The following MPC2 variants were observed in gnomAD, a reference collection of about 807,000 sequenced individuals.
MPC2 encodes mitochondrial pyruvate carrier 2.
Under a neutral mutation model 19.2 loss-of-function variants are expected in MPC2, and 19 were observed. That is an observed-to-expected ratio of 0.99 (90% confidence interval 0.69 to 1.45). The LOEUF (loss-of-function observed/expected upper bound fraction) is 1.45, where lower values mean the gene tolerates loss of function less well. MPC2 is among the 40% of genes most tolerant of loss of function. MPC2 has a pLI of 0.00. For missense variants in MPC2, 122 were observed against 153.0 expected, an observed-to-expected ratio of 0.80 and a Z score of 1.07; for synonymous variants, 61 against 54.3, an observed-to-expected ratio of 1.12 and a Z score of -0.54.
At position 167,918,356 on chromosome 1, in the gene MPC2, A is replaced by G. The variant is rs757115050; in HGVS notation, c.351T>C (p.Tyr117=). 4.3e-5 allele frequency: 66 copies of G among 1,533,236 alleles called. No homozygotes were observed. The highest frequency in any genetic ancestry group is 5.8e-5 in the Non-Finnish European group (65 of 1,112,844). The allele number at this position is 1,533,236 out of a possible 1,614,324, so 95.0% of individuals were successfully genotyped here. ...GASQLFRIWR[Y]NQELKAKAHK ...GTGCTTTAGCTTTTAGTTCTTGGTT[A>G]TATCTATAAAGAAAACAGAAAGAAA... The change falls in exon 6 of 6, where the codon TAT becomes TAC. Residue 117 remains tyrosine, a synonymous_variant. Transcript: ENST00000271373.
chr1:167,920,526 GA>G lies in MPC2; in HGVS notation c.235+20del, dbSNP rs773389195. 3.5e-4 allele frequency: 556 copies of G among 1,607,312 alleles called. No homozygotes were observed. The highest frequency in any genetic ancestry group is 8.4e-4 in the Admixed American group (50 of 59,344). ...TCATTTATGTTCTACAAGAAACACAGAAGATATTTATTTAATTTACCTGTAG... is the reference window on the plus strand; with the variant it reads ...TCATTTATGTTCTACAAGAAACACAGAGATATTTATTTAATTTACCTGTAG... On this transcript the variant is annotated intron_variant, in intron 4 of 5. Coordinates refer to ENST00000271373, the MANE Select transcript of MPC2 (RefSeq NM_001143674.4).
Position 167,920,940 on chromosome 1 carries a change from T to C in MPC2, c.151-309A>G, listed in dbSNP as rs142034454. Among the ~76,000 whole-genome samples, 976 of 152,296 alleles carry C rather than the reference T, an allele frequency of 6.4e-3. 9 individuals are homozygous for C. The highest frequency in any genetic ancestry group is 0.022 in the African/African-American group (908 of 41,562). ...CATATATATTTTGGGTTTTTTTTGG[T>C]CTACCTATTTCACATATGAATTTAT... On this transcript the variant is annotated intron_variant, in intron 3 of 5. Transcript: ENST00000271373.
chr1:167,925,708 G>T (rs911850247), intron 2 of MPC2, among the ~76,000 whole-genome samples: 2 of 150,986 alleles, frequency 1.3e-5, no homozygotes, highest in African/African-American at 4.9e-5. Context: ...CACCACACCC[G>T]GCTAATTTTT....
At chr1:167,935,952 C>G (rs1671151174) in intron 1 of MPC2, 54 bp from the exon 2 acceptor site, 1 of 815,794 alleles carries the variant, frequency 1.2e-6, no homozygotes, top group African/African-American at 1.7e-5. Context: ...TCGCGTCCGC[C>G]TCTCGCCTGG....
At chr1:167,933,523 T>G (rs2102561376) in intron 2 of MPC2, among the ~76,000 whole-genome samples, 1 of 152,314 alleles carries the variant, frequency 6.6e-6, no homozygotes, top group South Asian at 2.1e-4. Flanking sequence ...AAATTAAATC[T>G]CAAAAATCTA....
chr1:167,928,350 TAAC>T (rs1355514188), intron 2 of MPC2, among the ~76,000 whole-genome samples: 4 of 151,504 alleles, frequency 2.6e-5, no homozygotes, highest in African/African-American at 4.8e-5. Context: ...CACAATGGGT[TAAC>T]AAAATTTTAA....
intron 3 of MPC2, among the ~76,000 whole-genome samples, chr1:167,922,110 G>T (rs1670617762): frequency 6.6e-6 from 1 of 151,956 alleles, no homozygotes; most frequent in Non-Finnish European, 1.5e-5. Context: ...AAATACTCTG[G>T]GATAGTAAAA....
At chr1:167,925,442 C>CGTGTGT (rs1553200802) in intron 2 of MPC2, among the ~76,000 whole-genome samples, 1 of 82,478 alleles carries the variant, frequency 1.2e-5, no homozygotes. Flanking sequence ...TACATATACA[C>CGTGTGT]ATATATATAT....
chr1:167,920,738 T>C, intron 3 of MPC2, 107 bp from the exon 4 acceptor site: 1 of 1,125,156 alleles, frequency 8.9e-7, no homozygotes, highest in South Asian at 1.8e-5. Flanking sequence ...AGTTAGCAGC[T>C]ATAATTTTAG....
chr1:167,922,014 T>C (rs1045185742), intron 3 of MPC2, among the ~76,000 whole-genome samples: 1 of 152,202 alleles, frequency 6.6e-6, no homozygotes, highest in African/African-American at 2.4e-5. Flanking sequence ...AGGCATATGG[T>C]CTGAGAGTCT....
At chr1:167,935,466 G>A (rs74120570) in intron 2 of MPC2, among the ~76,000 whole-genome samples, 2,531 of 152,360 alleles carry the variant, frequency 0.017, 65 homozygotes, top group African/African-American at 0.058. Context: ...CAAATCTGGA[G>A]ATCAGGTTTG....
chr1:167,930,748 T>C (rs376915025), intron 2 of MPC2, among the ~76,000 whole-genome samples: 4 of 152,346 alleles, frequency 2.6e-5, no homozygotes, highest in African/African-American at 9.6e-5. Flanking sequence ...TACTGTACCA[T>C]ACAGCACTTT....
At chr1:167,922,234 A>G (rs1389468024) in intron 3 of MPC2, among the ~76,000 whole-genome samples, 1 of 152,162 alleles carries the variant, frequency 6.6e-6, no homozygotes, top group Non-Finnish European at 1.5e-5. Context: ...TATGATTTCA[A>G]CATGTACTTA....
chr1:167,920,883 T>C (rs1404601530), intron 3 of MPC2, among the ~76,000 whole-genome samples: 3 of 152,180 alleles, frequency 2.0e-5, no homozygotes, highest in East Asian at 3.8e-4. Context: ...AGTACATATA[T>C]AGATAAGATG....
At chr1:167,919,566 T>C (rs1670549200) in intron 5 of MPC2, among the ~76,000 whole-genome samples, 3 of 152,148 alleles carry the variant, frequency 2.0e-5, no homozygotes, top group African/African-American at 7.2e-5. Context: ...TACATAACAA[T>C]ACACTTAAGT....
chr1:167,932,857 G>A (rs1670949466), intron 2 of MPC2, among the ~76,000 whole-genome samples: 1 of 151,046 alleles, frequency 6.6e-6, no homozygotes, highest in Admixed American at 6.6e-5. Context: ...AAATAACACT[G>A]GGCAACATAA....
At chr1:167,928,209 G>GAAAAAATACAAAAAAT (rs1670808559) in intron 2 of MPC2, among the ~76,000 whole-genome samples, 1 of 151,882 alleles carries the variant, frequency 6.6e-6, no homozygotes, top group Non-Finnish European at 1.5e-5. Context: ...TTAGCTGCGC[G>GAAAAAATACAAAAAAT]TGGTGGCAGG....
intron 2 of MPC2, among the ~76,000 whole-genome samples, chr1:167,933,923 C>T (rs1265131183): frequency 1.3e-5 from 2 of 152,170 alleles, no homozygotes; most frequent in Non-Finnish European, 2.9e-5. Context: ...GACATTAGAT[C>T]ATCTGATTTT....
intron 2 of MPC2, among the ~76,000 whole-genome samples, chr1:167,932,531 G>A (rs1252069277): frequency 2.6e-5 from 4 of 151,890 alleles, no homozygotes; most frequent in African/African-American, 4.8e-5. Flanking sequence ...ACATTGGGCC[G>A]GGTGTGGTTG....
Sources: gnomAD v4.1 joint callset for allele counts (sites outside exome capture counted in the v4.1 genomes callset) on GRCh38, gnomAD v4.1.1 for gene constraint, MANE v1.5 for transcripts, NCBI Gene and HGNC (gene_info 2026-07-23, HGNC 2026-07-21) for gene names.